Variants in TOGARAM2 observed in about 807,000 individuals in gnomAD.
The protein encoded by TOGARAM2 is TOG array regulator of axonemal microtubules 2.
In TOGARAM2, 85 loss-of-function variants were observed where a neutral mutation model predicts 93.3. That is an observed-to-expected ratio of 0.91 (90% CI 0.76 to 1.09). TOGARAM2 has a LOEUF of 1.09. Among genes scored for constraint, TOGARAM2 ranks in the 50% least tolerant of loss-of-function variants. The pLI is 0.00. For missense variants in TOGARAM2, 1,277 were observed against 1,334.5 expected, an observed-to-expected ratio of 0.96 and a Z score of 0.67; for synonymous variants, 593 against 552.8, an observed-to-expected ratio of 1.07 and a Z score of -1.02.
At chr2:29,039,679 C>T (rs1469514091) in intron 18 of TOGARAM2, among the ~76,000 whole-genome samples, 3 of 152,184 alleles carry the variant, frequency 2.0e-5, no homozygotes, top group Admixed American at 6.5e-5. Context: ...TGCTCCCTGA[C>T]CTCTGCCATC....
In TOGARAM2 at chr2:29,029,738, A is replaced by T. The variant is rs375958453; in HGVS notation, c.2012+2727A>T. ...GCCACTGCACTCCAGCCTGGGCGACAGAACAAGGCTCTGTCTAAAAAAAAA... is the reference window on the plus strand; with the variant it reads ...GCCACTGCACTCCAGCCTGGGCGACTGAACAAGGCTCTGTCTAAAAAAAAA... On this transcript the variant is annotated intron_variant, in intron 14 of 19. Coordinates refer to ENST00000379558, the MANE Select transcript of TOGARAM2 (RefSeq NM_199280.4). Among the ~76,000 whole-genome samples the T allele has an allele frequency of 6.1e-3, 865 of 141,888 alleles. 11 individuals are homozygous for T. Among genetic ancestry groups the T allele is most frequent in the African/African-American group, 0.021 (826 of 39,010 alleles). The allele number at this position is 141,888 out of a possible 152,430, so 93.1% of individuals were successfully genotyped here.
rs1329490632 is a variant in TOGARAM2, at chr2:28,994,725, G to A, written c.-110G>A. 4 of 1,108,756 alleles carry A rather than the reference G, an allele frequency of 3.6e-6. No individual in the cohort carries two copies. The African/African-American group carries it at 6.2e-5, about 17-fold the overall frequency. 68.7% of individuals were successfully genotyped at this position (1,108,756 alleles called of 1,614,324 possible). A position where few individuals can be genotyped will look rare whatever the true frequency, so the allele number is the denominator to read the frequency against. Reference sequence around the variant, plus strand: ...TTCTCCTTTCTCCTCTCACCCTTAGGTCCCGGATGTTACAGGTCAGAGCCC... The same window carrying A: ...TTCTCCTTTCTCCTCTCACCCTTAGATCCCGGATGTTACAGGTCAGAGCCC... On this transcript the variant is annotated splice_region_variant and 5_prime_UTR_variant, in exon 2 of 20. Coordinates refer to ENST00000379558, the MANE Select transcript of TOGARAM2 (RefSeq NM_199280.4).
chr2:28,992,175 A>C (rs553019202), intron 1 of TOGARAM2, among the ~76,000 whole-genome samples: 1 of 152,124 alleles, frequency 6.6e-6, no homozygotes, highest in East Asian at 1.9e-4. Context: ...CCTGATTCTG[A>C]TTTTTATAGT....
In TOGARAM2 at chr2:29,051,990, T is replaced by A. The variant is rs757357193; in HGVS notation, c.2957T>A (p.Leu986His). The change falls in exon 20 of 20, where the codon CTC becomes CAC. Residue 986 changes from leucine to histidine, a missense_variant. Transcript: ENST00000379558. Reference protein sequence around the residue: ...PKHVLKTLQELLDSESLGGSR... With the variant: ...PKHVLKTLQEHLDSESLGGSR... The stretch of plus-strand genomic sequence containing the variant: ...CACGTCCTCAAGACGCTCCAGGAAC[T>A]CTTAGACTCAGAGTCCTTGGGAGGC... 4 of 1,613,186 alleles carry A rather than the reference T, an allele frequency of 2.5e-6. No homozygotes were observed. The East Asian group carries it at 8.9e-5, about 36-fold the overall frequency.
rs1478549573 is a variant in TOGARAM2, at chr2:29,017,149, G to T, written c.1045-5G>T. 6.2e-7 allele frequency: 1 copy of T among 1,611,958 alleles called. No individual in the cohort carries two copies. Among genetic ancestry groups the T allele is most frequent in the East Asian group, 2.2e-5 (1 of 44,868 alleles). On this transcript the variant is annotated splice_region_variant and splice_polypyrimidine_tract_variant and intron_variant, in intron 8 of 19. Coordinates refer to ENST00000379558, the MANE Select transcript of TOGARAM2 (RefSeq NM_199280.4). ...TTAATAGAGTTTGCCTTGACCTTGT[G>T]CCAGATCCAAGTCACCATCTCCAAG...
intron 18 of TOGARAM2, among the ~76,000 whole-genome samples, chr2:29,044,592 C>T (rs1666627985): frequency 6.6e-6 from 1 of 152,102 alleles, no homozygotes; most frequent in African/African-American, 2.4e-5. Flanking sequence ...CTTTTGGTTA[C>T]AAGAGCACAG....
chr2:28,984,349 G>A (rs202086378), intron 1 of TOGARAM2, among the ~76,000 whole-genome samples: 2 of 152,236 alleles, frequency 1.3e-5, no homozygotes, highest in South Asian at 2.1e-4. Context: ...CAAGAAAGTC[G>A]GCTTTCTCAT....
At chr2:29,035,729 G>A (rs1666068678) in intron 17 of TOGARAM2, 73 bp downstream of exon 17, 1 of 1,283,478 alleles carries the variant, frequency 7.8e-7, no homozygotes, top group African/African-American at 1.5e-5. Flanking sequence ...TGAAAACTCT[G>A]AATGGCGTTG....
chr2:28,972,177 C>A (rs1423708377), intron 1 of TOGARAM2, among the ~76,000 whole-genome samples: 1 of 152,166 alleles, frequency 6.6e-6, no homozygotes, highest in Non-Finnish European at 1.5e-5. Flanking sequence ...CAACCTCTGC[C>A]TCCTGGGCTC....
chr2:29,024,816 C>G (rs1048986392), intron 13 of TOGARAM2, among the ~76,000 whole-genome samples: 8 of 152,144 alleles, frequency 5.3e-5, no homozygotes. Context: ...GCTCCTGTCA[C>G]CCCCAGGAGC....
rs1672321542 is a variant in TOGARAM2 at position 28,983,368 on chromosome 2, G to A, written c.-111+1830G>A. Among the ~76,000 whole-genome samples, 3 of 149,436 alleles carry A rather than the reference G, an allele frequency of 2.0e-5. No homozygotes were observed. The South Asian group carries it at 6.5e-4, about 32-fold the overall frequency. On this transcript the variant is annotated intron_variant, in intron 1 of 19. Coordinates refer to ENST00000379558, the MANE Select transcript of TOGARAM2 (RefSeq NM_199280.4). ...CCTATGTATGCATTTCTAAACACTC[G>A]ATGTAATTTTGTCTTTCTTTGAACT...
chr2:28,973,549 G>T (rs956211965), intron 1 of TOGARAM2, among the ~76,000 whole-genome samples: 1 of 137,664 alleles, frequency 7.3e-6, no homozygotes, highest in Admixed American at 7.7e-5. Context: ...CTTTGTCACA[G>T]TCTCGCTTTG....
In TOGARAM2 at chr2:28,989,726, C is replaced by T. The variant is rs1057313770; in HGVS notation, c.-110-4999C>T. On this transcript the variant is annotated intron_variant, in intron 1 of 19. Transcript: ENST00000379558. ...AGCCAATTTTTGTATTTTATAGAGA[C>T]GAGGTTTTACTATGTTGGCCAGGCT... Among the ~76,000 whole-genome samples the T allele has an allele frequency of 5.3e-5, 8 of 151,252 alleles. No individual in the cohort carries two copies. In the South Asian group the frequency reaches 6.3e-4, roughly 12 times the overall value.
intron 6 of TOGARAM2, among the ~76,000 whole-genome samples, chr2:29,007,060 G>T (rs1177610753): frequency 4.6e-5 from 7 of 152,096 alleles, no homozygotes; most frequent in Non-Finnish European, 8.8e-5. Flanking sequence ...CCATTTCTAA[G>T]TTCTGCCATT....
rs1357215326 is a variant in TOGARAM2 at position 29,017,835 on chromosome 2, T to C, written c.1239T>C (p.Thr413=). Residue 413 remains threonine, a synonymous_variant, in exon 10 of 20, where the codon ACT becomes ACC. Transcript: ENST00000379558. ...GCAGCGGGACACTGTCTGTGCCCAC[T>C]AGGCTGAGCGGCCCATGCAGAAACG... is the stretch of plus-strand genomic sequence containing the variant. The part of the protein sequence containing the change: ...LRGSGTLSVP[T]RLSGPCRNDV... The C allele has an allele frequency of 6.2e-7, 1 of 1,613,416 alleles. No individual in the cohort carries two copies. The highest frequency in any genetic ancestry group is 1.3e-5 in the African/African-American group (1 of 75,058).
In TOGARAM2 at chr2:29,045,154, C is replaced by T. The variant is rs11885042; in HGVS notation, c.2636-170C>T. ...CAGGCCACTGATTCTTTCCCAAACA[C>T]GCTACATACATTCACTTTAAGTGGC... On this transcript the variant is annotated intron_variant, in intron 18 of 19. Transcript: ENST00000379558. Among the ~76,000 whole-genome samples the T allele has an allele frequency of 5.1e-3, 782 of 152,296 alleles. 7 individuals are homozygous for T. Among genetic ancestry groups the T allele is most frequent in the African/African-American group, 0.018 (743 of 41,554 alleles).
chr2:28,985,389 C>T (rs144600559), intron 1 of TOGARAM2, among the ~76,000 whole-genome samples: 18 of 149,986 alleles, frequency 1.2e-4, no homozygotes, highest in Middle Eastern at 3.4e-3. Flanking sequence ...TGTTTTAAGT[C>T]GGAGTTTTGC....
At chr2:28,982,461 A>G (rs1201128579) in intron 1 of TOGARAM2, among the ~76,000 whole-genome samples, 1 of 152,156 alleles carries the variant, frequency 6.6e-6, no homozygotes, top group African/African-American at 2.4e-5. Context: ...AATCGCTTCT[A>G]TCCTGAACTG....
intron 14 of TOGARAM2, among the ~76,000 whole-genome samples, chr2:29,030,399 T>C (rs1165705940): frequency 6.6e-6 from 1 of 152,166 alleles, no homozygotes; most frequent in African/African-American, 2.4e-5. Flanking sequence ...AGCTATTCTT[T>C]GTGTAGCATC....
Sources: allele counts gnomAD v4.1 joint callset (sites outside exome capture counted in the v4.1 genomes callset), GRCh38; gene constraint gnomAD v4.1.1; transcripts MANE v1.5; gene names NCBI Gene and HGNC (gene_info 2026-07-23, HGNC 2026-07-21).